Variants in FRAS1 observed in about 807,000 individuals in gnomAD.
FRAS1 encodes the protein extracellular matrix organizing protein FRAS1.
In FRAS1, 290 loss-of-function variants were observed where a neutral mutation model predicts 435.2. The observed-to-expected ratio is 0.67, with a 90% CI of 0.61 to 0.73. The LOEUF is 0.73. Among genes scored for constraint, FRAS1 ranks in the 30% least tolerant of loss-of-function variants. The probability of loss-of-function intolerance (pLI) is 0.00; values close to 1 mark genes in which losing one functional copy is unlikely to be tolerated. For synonymous variants in FRAS1, 1,800 were observed against 1,851.0 expected (o/e 0.97, Z 0.71); for missense variants, 4,860 against 5,001.5 (o/e 0.97, Z 0.85).
intron 48 of FRAS1, 54 bp downstream of exon 48, chr4:78,464,199 CT>C: frequency 6.4e-7 from 1 of 1,569,898 alleles, no homozygotes; most frequent in Non-Finnish European, 8.6e-7. Flanking sequence ...TCGCCATCTT[CT>C]TTGAGTGGAG....
chr4:78,140,707 ATACGTG>A (rs1720136658), intron 2 of FRAS1, among the ~76,000 whole-genome samples: 1 of 91,188 alleles, frequency 1.1e-5, no homozygotes, highest in South Asian at 2.7e-4. Flanking sequence ...GTATATGCAT[ATACGTG>A]TGTGTATATG....
At chr4:78,339,693 G>T (rs527483834) in intron 20 of FRAS1, among the ~76,000 whole-genome samples, 1 of 152,290 alleles carries the variant, frequency 6.6e-6, no homozygotes, top group East Asian at 1.9e-4. Context: ...AACATGGTTG[G>T]TATTAAAGCA....
chr4:78,174,333 G>A (rs940693824), intron 2 of FRAS1, among the ~76,000 whole-genome samples: 8 of 152,122 alleles, frequency 5.3e-5, no homozygotes, highest in African/African-American at 1.7e-4. Context: ...TCCATATTTG[G>A]TAGGATCATG....
chr4:78,263,887 G>A (rs900821494), intron 6 of FRAS1, among the ~76,000 whole-genome samples: 1 of 152,156 alleles, frequency 6.6e-6, no homozygotes, highest in Non-Finnish European at 1.5e-5. Flanking sequence ...ATATAATGGG[G>A]TTAAAGAATT....
In FRAS1 at chr4:78,464,004, T is replaced by G. The variant is rs764732565; in HGVS notation, c.6764-17T>G. 6.2e-7 allele frequency: 1 copy of G among 1,611,936 alleles called. No homozygotes were observed. The highest frequency in any genetic ancestry group is 1.1e-5 in the South Asian group (1 of 90,902). On this transcript the variant is annotated splice_polypyrimidine_tract_variant and intron_variant, in intron 47 of 73. Transcript: ENST00000512123. ...TTTTAATATCCTGTCTCTGTTTCTC[T>G]TTTCCCCTTTTTCTAGGTATCCAGA... is the stretch of plus-strand genomic sequence containing the variant.
intron 47 of FRAS1, among the ~76,000 whole-genome samples, chr4:78,458,318 T>C (rs984678246): frequency 2.0e-5 from 3 of 152,244 alleles, no homozygotes; most frequent in African/African-American, 7.2e-5. Flanking sequence ...TAGTCATGAC[T>C]GCACTTTAAG....
chr4:78,067,666 C>CT (rs1740104486), intron 2 of FRAS1, among the ~76,000 whole-genome samples: 4 of 105,740 alleles, frequency 3.8e-5, no homozygotes, highest in Middle Eastern at 4.3e-3. Context: ...CTTTTTTTTT[C>CT]TTTCTTTTAT....
rs758487732 is a variant in FRAS1 at position 78,525,468 on chromosome 4, A to G, written c.10809-1073A>G. ...CATGGCAGAGGCAAGCTGAGGTTCT[A>G]CTGGTTCCCAGTTTTCAGCCTGTGC... On this transcript the variant is annotated intron_variant, in intron 69 of 73. Coordinates refer to ENST00000512123, the MANE Select transcript of FRAS1 (RefSeq NM_025074.7). Among the ~76,000 whole-genome samples the G allele has an allele frequency of 5.9e-5, 9 of 152,340 alleles. No homozygotes were observed. In the East Asian group the frequency reaches 1.7e-3, roughly 29 times the overall value.
intron 58 of FRAS1, among the ~76,000 whole-genome samples, chr4:78,487,309 A>G (rs1044395879): frequency 1.3e-5 from 2 of 152,116 alleles, no homozygotes; most frequent in African/African-American, 4.8e-5. Context: ...GGATGGTTTT[A>G]TTTTTGCCAT....
chr4:78,398,594 C>G (rs371624226), intron 29 of FRAS1, among the ~76,000 whole-genome samples: 1 of 152,302 alleles, frequency 6.6e-6, no homozygotes, highest in African/African-American at 2.4e-5. Flanking sequence ...ACCACATTGC[C>G]TACTCAGTCT....
chr4:78,141,975 G>C (rs988769134), intron 2 of FRAS1, among the ~76,000 whole-genome samples: 11 of 152,078 alleles, frequency 7.2e-5, no homozygotes, highest in Admixed American at 2.0e-4. Flanking sequence ...GGACTTTGGG[G>C]ACTGGGGAGA....
Position 78,387,670 on chromosome 4 carries a change from A to T in FRAS1, c.3944A>T (p.Asn1315Ile), listed in dbSNP as rs776639648. 33 of 1,578,196 alleles carry T rather than the reference A, an allele frequency of 2.1e-5. No individual in the cohort carries two copies. In the East Asian group the frequency reaches 7.2e-4, roughly 34 times the overall value. Residue 1315 changes from asparagine (N) to isoleucine (I), a missense_variant, in exon 29 of 74, where the codon AAT (asparagine) becomes ATT (isoleucine). Transcript: ENST00000512123. ...GCCAATGATGGACACTCCTTCCATA[A>T]TATACTGTTCCAAGTGAAGACCGTG... is the stretch of plus-strand genomic sequence containing the variant. ...LQANDGHSFH[N>I]ILFQVKTVPQ...
Position 78,354,344 on chromosome 4 carries a change from T to TTTGG in FRAS1, c.2423-9158_2423-9155dup, listed in dbSNP as rs543305045. Among the ~76,000 whole-genome samples, 13 of 152,266 alleles carry TTTGG rather than the reference T, an allele frequency of 8.5e-5. 1 individual carries two copies. In the South Asian group the frequency reaches 1.9e-3, roughly 22 times the overall value. ...ACAGACACTGAAGAAAGAAGTCTCATTTGGTTGGTTGGTTTTGTTTTGTTT... is the reference window on the plus strand; with the variant it reads ...ACAGACACTGAAGAAAGAAGTCTCATTTGGTTGGTTGGTTGGTTTTGTTTTGTTT... On this transcript the variant is annotated intron_variant, in intron 20 of 73. Coordinates refer to ENST00000512123, the MANE Select transcript of FRAS1 (RefSeq NM_025074.7).
chr4:78,368,172 CATCTA>C (rs1441439560), intron 22 of FRAS1, among the ~76,000 whole-genome samples: 3 of 151,434 alleles, frequency 2.0e-5, no homozygotes, highest in Admixed American at 6.6e-5. Context: ...AATTTGGTCT[CATCTA>C]AGCTTACAAC....
At chr4:78,360,128 A>G (rs1448988379) in intron 20 of FRAS1, among the ~76,000 whole-genome samples, 1 of 152,210 alleles carries the variant, frequency 6.6e-6, no homozygotes, top group African/African-American at 2.4e-5. Context: ...GCACAGAAAG[A>G]GAACCCAGCC....
rs377138493 is a variant in FRAS1 at position 78,237,476 on chromosome 4, C to T, written c.109-34C>T. The stretch of plus-strand genomic sequence containing the variant: ...TTTGTGTGCTCATACCTTGACTGAT[C>T]AGTTTTTAAATCAGAGCTTATGCCT... On this transcript the variant is annotated intron_variant, in intron 2 of 73. Coordinates refer to ENST00000512123, the MANE Select transcript of FRAS1 (RefSeq NM_025074.7). 6 of 1,445,788 alleles carry T rather than the reference C, an allele frequency of 4.1e-6. No homozygotes were observed. The African/African-American group carries it at 8.4e-5, about 20-fold the overall frequency. 89.6% of individuals were successfully genotyped at this position (1,445,788 alleles called of 1,614,324 possible).
At chr4:78,233,239 A>T (rs1457247991) in intron 2 of FRAS1, among the ~76,000 whole-genome samples, 1 of 152,240 alleles carries the variant, frequency 6.6e-6, no homozygotes, top group Non-Finnish European at 1.5e-5. Context: ...AAGGGAGCAC[A>T]TAAAAGCTGG....
chr4:78,536,191 A>ATTTTTT (rs11355997), intron 71 of FRAS1, among the ~76,000 whole-genome samples: 1 of 103,988 alleles, frequency 9.6e-6, no homozygotes, highest in African/African-American at 3.8e-5. Flanking sequence ...TTGTACATGG[A>ATTTTTT]TTTTTTTTTT....
chr4:78,445,381 T>C (rs1476877467), intron 41 of FRAS1, 141 bp from the exon 42 acceptor site: 2 of 1,126,104 alleles, frequency 1.8e-6, no homozygotes, highest in African/African-American at 1.6e-5. Flanking sequence ...TTCCTGGTCT[T>C]GTGCTTATCC....
Sources: allele counts gnomAD v4.1 joint callset (sites outside exome capture counted in the v4.1 genomes callset), GRCh38; gene constraint gnomAD v4.1.1; transcripts MANE v1.5; gene names NCBI Gene and HGNC (gene_info 2026-07-23, HGNC 2026-07-21).